PSKH2: variants seen among roughly 807,000 people sequenced by gnomAD.
PSKH2 encodes the protein protein serine kinase H2.
PSKH2 carries 16 observed loss-of-function variants against 22.5 expected under a neutral mutation model. The ratio of observed to expected loss-of-function variants is 0.71; its 90% CI spans 0.48 to 1.08. The LOEUF (loss-of-function observed/expected upper bound fraction) is 1.08. Among genes scored for constraint, PSKH2 ranks in the 50% least tolerant of loss-of-function variants. The pLI, the probability that PSKH2 is intolerant of heterozygous loss-of-function variation, is 0.00. For synonymous variants in PSKH2, 188 were observed against 184.8 expected (o/e 1.02, Z -0.14); for missense variants, 516 against 492.8 (o/e 1.05, Z -0.44).
Position 86,047,699 on chromosome 8 carries a change from G to A in PSKH2, c.*763C>T, listed in dbSNP as rs972660231. On this transcript the variant is annotated 3_prime_UTR_variant, in exon 3 of 3. Transcript: ENST00000276616. The stretch of plus-strand genomic sequence containing the variant: ...GCATTACCTATAATTATTTCATGGT[G>A]AGTGTTTAAAGTCATCAAGATATTT... Among the ~76,000 whole-genome samples the A allele has an allele frequency of 2.6e-5, 4 of 152,088 alleles. No homozygotes were observed. The highest frequency in any genetic ancestry group is 7.2e-5 in the African/African-American group (3 of 41,412).
At chr8:86,069,755 C>CAGGG, upstream of PSKH2, 1 of 1,028,024 alleles carries the variant, frequency 9.7e-7, no homozygotes, top group South Asian at 2.0e-5. Flanking sequence ...GGGTCGTGGT[C>CAGGG]AGGGAGACAG....
chr8:86,048,517 A>G lies in PSKH2; in HGVS notation c.1103T>C (p.Met368Thr). Residue 368 changes from methionine (M) to threonine (T), a missense_variant, in exon 3 of 3, where the codon ATG becomes ACG. Met to Thr is a moderately conservative substitution (Grantham distance 81). Coordinates refer to ENST00000276616, the MANE Select transcript of PSKH2 (RefSeq NM_033126.3). ...TATCCTTAAGTTTCTCTTGCTCCAC[A>G]TATGCCTGGATTTGTGAGAATAATG... is the stretch of plus-strand genomic sequence containing the variant. Reference protein sequence around the residue: ...KSHYSHKSRHMWSKRNLRIVE... With the variant: ...KSHYSHKSRHTWSKRNLRIVE... 3 of 1,614,168 alleles carry G rather than the reference A, an allele frequency of 1.9e-6. No individual in the cohort carries two copies. In the East Asian group the frequency reaches 6.7e-5, roughly 36 times the overall value.
rs909274048 is a variant in PSKH2, at chr8:86,069,506, C to T, written c.117G>A (p.Ala39=). The part of the protein sequence containing the change: ...VGGAGPGPEA[A]AQAAQRIQVA... ...CCTGTATCCTCTGCGCCGCCTGGGC[C>T]GCCGCCTCGGGCCCAGGCCCCGCGC... The change falls in exon 1 of 3, where the codon GCG becomes GCA. Residue 39 remains alanine, a synonymous_variant. Coordinates refer to ENST00000276616, the MANE Select transcript of PSKH2 (RefSeq NM_033126.3). 1.2e-6 allele frequency: 2 copies of T among 1,608,892 alleles called. No individual in the cohort carries two copies. Among genetic ancestry groups the T allele is most frequent in the Non-Finnish European group, 1.7e-6 (2 of 1,178,384 alleles).
rs565165863 is a variant in PSKH2 at position 86,050,213 on chromosome 8, G to A, written c.853-1446C>T. Among the ~76,000 whole-genome samples the A allele has an allele frequency of 7.4e-3, 299 of 40,382 alleles. 1 individual carries two copies. Among genetic ancestry groups the A allele is most frequent in the Non-Finnish European group, 0.013 (242 of 18,994 alleles). 26.5% of individuals were successfully genotyped at this position (40,382 alleles called of 152,430 possible). ...GCTTTCTGCATTATCTGCTGAGAAA[G>A]AAAAGAAACAATTTAATCTGAGGAA... On this transcript the variant is annotated intron_variant, in intron 2 of 2. Transcript: ENST00000276616.
chr8:86,060,070 C>A (rs1817755271), intron 2 of PSKH2, among the ~76,000 whole-genome samples: 1 of 152,188 alleles, frequency 6.6e-6, no homozygotes, highest in South Asian at 2.1e-4. Flanking sequence ...GGGAAACTGT[C>A]ACCACTGGAT....
In PSKH2 at chr8:86,049,717, A is replaced by AC. The variant is rs1365532017; in HGVS notation, c.853-951_853-950insG. Among the ~76,000 whole-genome samples the AC allele has an allele frequency of 4.4e-4, 30 of 68,634 alleles. 1 individual carries two copies. In the South Asian group the frequency reaches 8.2e-3, roughly 19 times the overall value. 45.0% of individuals were successfully genotyped at this position (68,634 alleles called of 152,430 possible). On this transcript the variant is annotated intron_variant, in intron 2 of 2. Coordinates refer to ENST00000276616, the MANE Select transcript of PSKH2 (RefSeq NM_033126.3). ...AAGAAAGAAAGAAAGAAAGAAAGAA[A>AC]GAAAGAAAGAAAGAAAGAAAGAAAG...
At position 86,054,445 on chromosome 8, in the gene PSKH2, C is replaced by T. The variant is rs113939911; in HGVS notation, c.853-5678G>A. Among the ~76,000 whole-genome samples the T allele has an allele frequency of 3.5e-3, 537 of 152,082 alleles. 4 individuals are homozygous for T. Among genetic ancestry groups the T allele is most frequent in the African/African-American group, 0.013 (521 of 41,486 alleles). On this transcript the variant is annotated intron_variant, in intron 2 of 2. Coordinates refer to ENST00000276616, the MANE Select transcript of PSKH2 (RefSeq NM_033126.3). ...GCAAATAAATTTTATGTAAATATGC[C>T]CCAAACTGATTACTCTCTATGACTT...
At position 86,048,592 on chromosome 8, in the gene PSKH2, C is replaced by A; in HGVS notation, c.1028G>T (p.Arg343Met). The change falls in exon 3 of 3, where the codon AGG (arginine) becomes ATG (methionine). Residue 343 changes from arginine to methionine, a missense_variant. Physicochemically the swap from Arg to Met is moderately conservative, Grantham distance 91. Coordinates refer to ENST00000276616, the MANE Select transcript of PSKH2 (RefSeq NM_033126.3). ...QRAISRNLMQ[R>M]ASPHSQSPGS... ...AGGACTCTGAGAGTGGGGAGAGGCC[C>A]TCTGCATGAGGTTTCGGGATATGGC... The A allele has an allele frequency of 6.2e-7, 1 of 1,614,076 alleles. No homozygotes were observed. The highest frequency in any genetic ancestry group is 1.7e-5 in the Admixed American group (1 of 60,014).
At chr8:86,058,888 A>G (rs972039491) in intron 2 of PSKH2, among the ~76,000 whole-genome samples, 3 of 152,104 alleles carry the variant, frequency 2.0e-5, no homozygotes, top group Non-Finnish European at 2.9e-5. Context: ...CCTTCACCAT[A>G]AGAGGTATAC....
At chr8:86,062,389 T>C (rs1200543420) in intron 2 of PSKH2, among the ~76,000 whole-genome samples, 2 of 152,182 alleles carry the variant, frequency 1.3e-5, no homozygotes, top group Non-Finnish European at 2.9e-5. Context: ...AATTATAAGA[T>C]CAAAATACAT....
At chr8:86,056,959 G>A (rs1453267130) in intron 2 of PSKH2, among the ~76,000 whole-genome samples, 1 of 149,010 alleles carries the variant, frequency 6.7e-6, no homozygotes, top group African/African-American at 2.5e-5. Context: ...TTAGAGAGAA[G>A]GTCTCACTCT....
rs146744453 is a variant in PSKH2 at position 86,064,421 on chromosome 8, T to G, written c.396A>C (p.Gln132His). The change falls in exon 2 of 3, where the codon CAA (glutamine) becomes CAC (histidine). Residue 132 changes from glutamine (Q) to histidine (H), a missense_variant. Coordinates refer to ENST00000276616, the MANE Select transcript of PSKH2 (RefSeq NM_033126.3). The stretch of plus-strand genomic sequence containing the variant: ...TAGCCAGCTCCATTACCATGTAAAC[T>G]TGATCCTCAGTCTCAAAGATCTCCA... ...QLMEIFETEDQVYMVMELATG... is the reference protein window; with the variant it reads ...QLMEIFETEDHVYMVMELATG... 5.4e-4 allele frequency: 875 copies of G among 1,614,160 alleles called. 7 individuals are homozygous for G. In the African/African-American group the frequency reaches 9.8e-3, roughly 18 times the overall value.
chr8:86,060,586 C>T (rs936054219), intron 2 of PSKH2, among the ~76,000 whole-genome samples: 18 of 152,268 alleles, frequency 1.2e-4, no homozygotes, highest in Middle Eastern at 3.4e-3. Context: ...CCCTAACCCC[C>T]AGTGTGGCTA....
chr8:86,048,741 C>T lies in PSKH2; in HGVS notation c.879G>A (p.Ala293=), dbSNP rs751241574. ...TCAGTAGTTTGTCTATAAAGTCCTTCGCCAAGTGGGAAATGCTTGGCCAAG... is the reference window on the plus strand; with the variant it reads ...TCAGTAGTTTGTCTATAAAGTCCTTTGCCAAGTGGGAAATGCTTGGCCAAG... The part of the protein sequence containing the change: ...GEPWPSISHL[A]KDFIDKLLIL... Residue 293 remains alanine (A), a synonymous_variant, in exon 3 of 3, where the codon GCG becomes GCA. Transcript: ENST00000276616. 39 of 1,609,346 alleles carry T rather than the reference C, an allele frequency of 2.4e-5. No individual in the cohort carries two copies. Among genetic ancestry groups the T allele is most frequent in the Admixed American group, 6.7e-5 (4 of 59,860 alleles).
chr8:86,050,511 A>G (rs1207597425), intron 2 of PSKH2, among the ~76,000 whole-genome samples: 3 of 152,202 alleles, frequency 2.0e-5, no homozygotes, highest in Non-Finnish European at 4.4e-5. Flanking sequence ...CAGACCTAAG[A>G]GCACACGCCC....
At chr8:86,057,903 A>G (rs1344889117) in intron 2 of PSKH2, among the ~76,000 whole-genome samples, 2 of 152,052 alleles carry the variant, frequency 1.3e-5, no homozygotes, top group African/African-American at 2.4e-5. Flanking sequence ...TCCCACTTAC[A>G]TTAAAGCACT....
In PSKH2 at chr8:86,064,308, C is replaced by T; in HGVS notation, c.509G>A (p.Gly170Glu). 6.2e-7 allele frequency: 1 copy of T among 1,614,080 alleles called. No homozygotes were observed. Among genetic ancestry groups the T allele is most frequent in the East Asian group, 2.2e-5 (1 of 44,876 alleles). The change falls in exon 2 of 3, where the codon GGG becomes GAG. Residue 170 changes from glycine (G) to glutamate (E), a missense_variant. Coordinates refer to ENST00000276616, the MANE Select transcript of PSKH2 (RefSeq NM_033126.3). ...CTGCAGCGCATGCAAATACCTAATC[C>T]CATCAGCAACCATCTGGAGGATCCT... is the stretch of plus-strand genomic sequence containing the variant. ...AVRILQMVAD[G>E]IRYLHALQIT...
At chr8:86,065,703 T>G (rs1024408867) in intron 1 of PSKH2, among the ~76,000 whole-genome samples, 2 of 152,178 alleles carry the variant, frequency 1.3e-5, no homozygotes, top group Non-Finnish European at 2.9e-5. Context: ...CCAGGCACGG[T>G]GGGCTCATCG....
intron 2 of PSKH2, among the ~76,000 whole-genome samples, chr8:86,056,922 T>C (rs57819661): frequency 0.055 from 7,176 of 130,426 alleles, 576 homozygotes; most frequent in African/African-American, 0.19. Flanking sequence ...TTTTTTTTGG[T>C]TTGTTTGTTG....
Sources: gnomAD v4.1 joint callset for allele counts (sites outside exome capture counted in the v4.1 genomes callset) on GRCh38, gnomAD v4.1.1 for gene constraint, MANE v1.5 for transcripts, NCBI Gene and HGNC (gene_info 2026-07-23, HGNC 2026-07-21) for gene names.